MB21D2: variants seen among roughly 807,000 people sequenced by gnomAD.
MB21D2 encodes Mab-21 domain containing 2.
In MB21D2, 9 loss-of-function variants were observed where a neutral mutation model predicts 33.3. That is an observed-to-expected ratio of 0.27 (90% CI 0.16 to 0.47). The LOEUF is 0.47. Among genes scored for constraint, MB21D2 ranks in the 20% least tolerant of loss-of-function variants. The probability of loss-of-function intolerance (pLI) is 0.99; values close to 1 mark genes in which losing one functional copy is unlikely to be tolerated. For synonymous variants in MB21D2, 241 were observed against 236.3 expected, an observed-to-expected ratio of 1.02 and a Z score of -0.18; for missense variants, 540 against 624.6, an observed-to-expected ratio of 0.86 and a Z score of 1.44.
At chr3:192,864,528 C>T (rs1713125065) in intron 1 of MB21D2, among the ~76,000 whole-genome samples, 1 of 152,098 alleles carries the variant, frequency 6.6e-6, no homozygotes, top group Admixed American at 6.6e-5. Flanking sequence ...TGTTTTTTGA[C>T]AGAGTTTTGC....
At position 192,887,395 on chromosome 3, in the gene MB21D2, A is replaced by G. The variant is rs147630622; in HGVS notation, c.211+30235T>C. Among the ~76,000 whole-genome samples, 42 of 152,282 alleles carry G rather than the reference A, an allele frequency of 2.8e-4. No homozygotes were observed. In the East Asian group the frequency reaches 8.1e-3, roughly 29 times the overall value. ...ATACAGTTTCAGTTTTACAAGATGA[A>G]AAGAGTTCTTGAAATTGATTGCACA... On this transcript the variant is annotated intron_variant, in intron 1 of 1. Transcript: ENST00000392452.
Position 192,872,305 on chromosome 3 carries a change from G to A in MB21D2, c.211+45325C>T, listed in dbSNP as rs146492035. Among the ~76,000 whole-genome samples the A allele has an allele frequency of 6.4e-3, 978 of 152,262 alleles. 13 individuals carry two copies. Among genetic ancestry groups the A allele is most frequent in the African/African-American group, 0.022 (912 of 41,550 alleles). On this transcript the variant is annotated intron_variant, in intron 1 of 1. Transcript: ENST00000392452. ...AAAAGTTGCAAAGCTGGCCGGGCGC[G>A]GGGGCTCACAACTGTAATCCCAGCA...
At chr3:192,824,820 C>G (rs902788807) in intron 1 of MB21D2, among the ~76,000 whole-genome samples, 1 of 152,182 alleles carries the variant, frequency 6.6e-6, no homozygotes, top group Non-Finnish European at 1.5e-5. Context: ...CTACGTCAAG[C>G]AAACCGTGTT....
rs895575308 is a variant in MB21D2, at chr3:192,870,701, A to G, written c.211+46929T>C. Among the ~76,000 whole-genome samples the G allele has an allele frequency of 1.1e-3, 140 of 128,740 alleles. 1 individual carries two copies. The highest frequency in any genetic ancestry group is 4.9e-3 in the African/African-American group (128 of 26,340). 84.5% of individuals were successfully genotyped at this position (128,740 alleles called of 152,430 possible). Reference sequence around the variant, plus strand: ...ACTCCAGCCTGGGCGACTCCGTTGAAAAAAAAAAAAAAAAAAAAGGAAGGA... The same window carrying G: ...ACTCCAGCCTGGGCGACTCCGTTGAGAAAAAAAAAAAAAAAAAAGGAAGGA... On this transcript the variant is annotated intron_variant, in intron 1 of 1. Coordinates refer to ENST00000392452, the MANE Select transcript of MB21D2 (RefSeq NM_178496.4).
chr3:192,863,911 G>A (rs938314514), intron 1 of MB21D2, among the ~76,000 whole-genome samples: 2 of 152,180 alleles, frequency 1.3e-5, no homozygotes, highest in Non-Finnish European at 2.9e-5. Context: ...AGAACTGTGA[G>A]AAATTAATTT....
At position 192,893,760 on chromosome 3, in the gene MB21D2, G is replaced by C. The variant is rs994094859; in HGVS notation, c.211+23870C>G. Among the ~76,000 whole-genome samples the C allele has an allele frequency of 3.9e-5, 6 of 152,098 alleles. No homozygotes were observed. The South Asian group carries it at 1.2e-3, about 32-fold the overall frequency. ...ATCTTTAAAGAGCCACCTCTGGCTG[G>C]GGGGTGGCTCATGTCTGTAATCTCA... On this transcript the variant is annotated intron_variant, in intron 1 of 1. Transcript: ENST00000392452.
At chr3:192,814,631 G>A (rs536463521) in intron 1 of MB21D2, among the ~76,000 whole-genome samples, 3 of 152,136 alleles carry the variant, frequency 2.0e-5, no homozygotes, top group Non-Finnish European at 4.4e-5. Flanking sequence ...GGGAGGCCAA[G>A]GTGGGCAGAT....
intron 1 of MB21D2, among the ~76,000 whole-genome samples, chr3:192,838,553 C>G (rs972654095): frequency 6.6e-6 from 1 of 151,864 alleles, no homozygotes; most frequent in African/African-American, 2.4e-5. Flanking sequence ...CTCGGCCTCC[C>G]GAGTGGCTGG....
chr3:192,869,685 C>T (rs778743196), intron 1 of MB21D2, among the ~76,000 whole-genome samples: 15 of 152,204 alleles, frequency 9.9e-5, no homozygotes, highest in East Asian at 1.9e-4. Flanking sequence ...TAAAAAGCCA[C>T]TTGACCTCAC....
At chr3:192,853,044 C>G (rs1324196124) in intron 1 of MB21D2, among the ~76,000 whole-genome samples, 1 of 151,932 alleles carries the variant, frequency 6.6e-6, no homozygotes, top group Non-Finnish European at 1.5e-5. Flanking sequence ...CTCTCTCTCT[C>G]TCTCTCTCTC....
At chr3:192,814,069 G>A (rs567143638) in intron 1 of MB21D2, among the ~76,000 whole-genome samples, 1 of 152,120 alleles carries the variant, frequency 6.6e-6, no homozygotes, top group Non-Finnish European at 1.5e-5. Flanking sequence ...ATAAGTAAAT[G>A]TTATTTCAAA....
intron 1 of MB21D2, among the ~76,000 whole-genome samples, chr3:192,853,453 T>G (rs1328736885): frequency 6.6e-6 from 1 of 152,232 alleles, no homozygotes; most frequent in Non-Finnish European, 1.5e-5. Flanking sequence ...TATAATGCCT[T>G]ACTGTGCCCC....
At chr3:192,860,663 A>G (rs1294716482) in intron 1 of MB21D2, among the ~76,000 whole-genome samples, 1 of 152,206 alleles carries the variant, frequency 6.6e-6, no homozygotes, top group Middle Eastern at 3.2e-3. Context: ...CCGCCCTGGG[A>G]GCCAGCTCTG....
At chr3:192,871,794 G>A in intron 1 of MB21D2, among the ~76,000 whole-genome samples, 1 of 152,076 alleles carries the variant, frequency 6.6e-6, no homozygotes, top group East Asian at 1.9e-4. Flanking sequence ...TGACATGATG[G>A]GGATGACAGA....
intron 1 of MB21D2, among the ~76,000 whole-genome samples, chr3:192,828,643 T>TCC (rs1712242263): frequency 5.7e-5 from 2 of 35,292 alleles, no homozygotes; most frequent in African/African-American, 3.4e-4. Flanking sequence ...TATATATATA[T>TCC]ATATATATAT....
At chr3:192,826,110 G>C (rs909380977) in intron 1 of MB21D2, among the ~76,000 whole-genome samples, 3 of 152,204 alleles carry the variant, frequency 2.0e-5, no homozygotes, top group Non-Finnish European at 4.4e-5. Flanking sequence ...CACGAGGATA[G>C]TAATTCTGCC....
rs905182684 is a variant in MB21D2 at position 192,832,833 on chromosome 3, C to T, written c.212-33183G>A. On this transcript the variant is annotated intron_variant, in intron 1 of 1. Coordinates refer to ENST00000392452, the MANE Select transcript of MB21D2 (RefSeq NM_178496.4). The stretch of plus-strand genomic sequence containing the variant: ...CCGGGGGGAAGAGTACATCTACTGA[C>T]AGACCTGTCTCTTTTAAATCAATCA... Among the ~76,000 whole-genome samples, 24 of 152,270 alleles carry T rather than the reference C, an allele frequency of 1.6e-4. No homozygotes were observed. In the East Asian group the frequency reaches 4.6e-3, roughly 29 times the overall value.
intron 1 of MB21D2, among the ~76,000 whole-genome samples, chr3:192,898,313 C>T (rs909788040): frequency 5.3e-5 from 8 of 151,626 alleles, no homozygotes; most frequent in Non-Finnish European, 1.2e-4. Context: ...CCTCAACCTC[C>T]CAAGCAGCTG....
At chr3:192,854,697 T>C (rs1712879751) in intron 1 of MB21D2, among the ~76,000 whole-genome samples, 1 of 152,094 alleles carries the variant, frequency 6.6e-6, no homozygotes, top group African/African-American at 2.4e-5. Context: ...CTGACTCTCT[T>C]GTTAGAAGCT....
Sources: allele counts gnomAD v4.1 joint callset (sites outside exome capture counted in the v4.1 genomes callset), GRCh38; gene constraint gnomAD v4.1.1; transcripts MANE v1.5; gene names NCBI Gene and HGNC (gene_info 2026-07-23, HGNC 2026-07-21).